The following KCNIP1 variants were observed in gnomAD, a reference collection of about 807,000 sequenced individuals.
KCNIP1 encodes the protein potassium voltage-gated channel interacting protein 1, also known as A-type potassium channel modulatory protein KCNIP1.
In KCNIP1, 18 loss-of-function variants were observed where a neutral mutation model predicts 33.0. The observed-to-expected ratio is 0.55, with a 90% CI of 0.38 to 0.81. The LOEUF (loss-of-function observed/expected upper bound fraction) is 0.81. KCNIP1 is among the 30% of genes least tolerant of loss of function. KCNIP1 has a pLI of 0.00. For missense variants in KCNIP1, 238 were observed against 271.6 expected (o/e 0.88, Z 0.87); for synonymous variants, 93 against 98.3 (o/e 0.95, Z 0.32).
At chr5:170,585,899 T>C (rs1448477515) in intron 1 of KCNIP1, among the ~76,000 whole-genome samples, 2 of 152,214 alleles carry the variant, frequency 1.3e-5, no homozygotes, top group Non-Finnish European at 2.9e-5. Context: ...CTCCAAGCCC[T>C]GCAGGAGCCA....
intron 1 of KCNIP1, among the ~76,000 whole-genome samples, chr5:170,654,487 A>G (rs1296762268): frequency 6.6e-6 from 1 of 152,232 alleles, no homozygotes; most frequent in East Asian, 1.9e-4. Context: ...CATCGGCTGA[A>G]TCTGGGTCAT....
chr5:170,611,680 T>C (rs906839278), intron 1 of KCNIP1, among the ~76,000 whole-genome samples: 2 of 152,118 alleles, frequency 1.3e-5, no homozygotes, highest in Admixed American at 6.5e-5. Context: ...TCCACCTTCC[T>C]CAAAGGGTAA....
intron 1 of KCNIP1, among the ~76,000 whole-genome samples, chr5:170,590,485 A>T (rs962189726): frequency 2.0e-5 from 3 of 152,040 alleles, no homozygotes; most frequent in African/African-American, 7.2e-5. Flanking sequence ...CAACCGGTAG[A>T]GGATTTGCAG....
chr5:170,733,895 G>C lies in KCNIP1; in HGVS notation c.600G>C (p.Gln200His). ...TAGATGAATTTCTTGAATCATGTCA[G>C]GAGGTAAGGAGAGATCTCAGGGCAC... is the stretch of plus-strand genomic sequence containing the variant. ...VTLDEFLESC[Q>H]EDDNIMRSLQ... The change falls in exon 7 of 8, where the codon CAG (glutamine) becomes CAC (histidine). Residue 200 changes from glutamine (Q) to histidine (H), a missense_variant. Gln to His is a conservative substitution (Grantham distance 24). Coordinates refer to ENST00000328939, the MANE Select transcript of KCNIP1 (RefSeq NM_014592.4). 6.2e-7 allele frequency: 1 copy of C among 1,612,796 alleles called. No individual in the cohort carries two copies. The highest frequency in any genetic ancestry group is 8.5e-7 in the Non-Finnish European group (1 of 1,178,844).
intron 1 of KCNIP1, among the ~76,000 whole-genome samples, chr5:170,621,173 T>C (rs1190460913): frequency 1.3e-5 from 2 of 152,348 alleles, no homozygotes; most frequent in East Asian, 3.9e-4. Flanking sequence ...ATGGGGATAC[T>C]AAGGGTCACC....
intron 1 of KCNIP1, among the ~76,000 whole-genome samples, chr5:170,590,484 G>A (rs1468942275): frequency 6.6e-6 from 1 of 152,142 alleles, no homozygotes; most frequent in African/African-American, 2.4e-5. Context: ...CCAACCGGTA[G>A]AGGATTTGCA....
At chr5:170,420,890 A>T (rs1755470771) in intron 1 of KCNIP1, among the ~76,000 whole-genome samples, 1 of 152,100 alleles carries the variant, frequency 6.6e-6, no homozygotes, top group Admixed American at 6.5e-5. Flanking sequence ...CTCAATTCAG[A>T]TTACTCACAC....
intron 1 of KCNIP1, among the ~76,000 whole-genome samples, chr5:170,624,723 C>CG (rs1461838430): frequency 0.026 from 896 of 34,566 alleles, 27 homozygotes; most frequent in East Asian, 0.15. Flanking sequence ...GGAAAGGAGA[C>CG]CGGGGAGGTG....
At chr5:170,488,952 G>A (rs1419476450) in intron 1 of KCNIP1, among the ~76,000 whole-genome samples, 2 of 152,246 alleles carry the variant, frequency 1.3e-5, no homozygotes, top group African/African-American at 2.4e-5. Context: ...CCTGACTACA[G>A]TGAGGTGTGG....
chr5:170,698,503 A>G (rs1387327518), intron 1 of KCNIP1, among the ~76,000 whole-genome samples: 1 of 152,184 alleles, frequency 6.6e-6, no homozygotes, highest in Admixed American at 6.5e-5. Flanking sequence ...GGGTGGCAGA[A>G]TGTACCTCAC....
At chr5:170,709,201 A>G (rs1763362943) in intron 1 of KCNIP1, among the ~76,000 whole-genome samples, 1 of 152,086 alleles carries the variant, frequency 6.6e-6, no homozygotes, top group Admixed American at 6.5e-5. Flanking sequence ...CTATACCCCT[A>G]TTGATTTTTT....
At chr5:170,420,081 C>T (rs1252123651) in intron 1 of KCNIP1, among the ~76,000 whole-genome samples, 1 of 152,078 alleles carries the variant, frequency 6.6e-6, no homozygotes, top group African/African-American at 2.4e-5. Context: ...TTCATAGCCA[C>T]ATTGAAAAGA....
chr5:170,609,490 TTTGA>T (rs1443555877), intron 1 of KCNIP1, among the ~76,000 whole-genome samples: 4 of 152,110 alleles, frequency 2.6e-5, no homozygotes, highest in African/African-American at 9.7e-5. Flanking sequence ...ACTCAGACTT[TTTGA>T]TTATTTTTTG....
intron 1 of KCNIP1, among the ~76,000 whole-genome samples, chr5:170,618,744 G>A (rs1282549497): frequency 1.3e-5 from 2 of 152,170 alleles, no homozygotes; most frequent in Non-Finnish European, 2.9e-5. Context: ...AAATGGGAAT[G>A]ATGATTTGAC....
At chr5:170,523,348 G>A (rs950151785) in intron 1 of KCNIP1, among the ~76,000 whole-genome samples, 4 of 152,326 alleles carry the variant, frequency 2.6e-5, no homozygotes, top group East Asian at 3.9e-4. Context: ...CAGGAAAGCC[G>A]ATGCTTTCTG....
At chr5:170,570,926 G>A (rs1054551190) in intron 1 of KCNIP1, among the ~76,000 whole-genome samples, 1 of 152,202 alleles carries the variant, frequency 6.6e-6, no homozygotes, top group Non-Finnish European at 1.5e-5. Context: ...ACTCCTGGAG[G>A]TATGTGTCAT....
At chr5:170,722,923 G>A (rs993776881) in intron 5 of KCNIP1, 103 bp downstream of exon 5, 8 of 723,852 alleles carry the variant, frequency 1.1e-5, no homozygotes, top group African/African-American at 9.0e-5. Context: ...GAATGAGGCA[G>A]GCTCTGCTTT....
At chr5:170,576,231 G>C (rs189929174) in intron 1 of KCNIP1, among the ~76,000 whole-genome samples, 1 of 152,266 alleles carries the variant, frequency 6.6e-6, no homozygotes, top group African/African-American at 2.4e-5. Flanking sequence ...CTCTACAAAA[G>C]CTCCTCCCCA....
At chr5:170,677,187 G>A (rs115768701) in intron 1 of KCNIP1, among the ~76,000 whole-genome samples, 1 of 152,106 alleles carries the variant, frequency 6.6e-6, no homozygotes, top group Non-Finnish European at 1.5e-5. Context: ...ACAACTCTAT[G>A]AAGTACATAC....
Sources: gnomAD v4.1 joint callset for allele counts (sites outside exome capture counted in the v4.1 genomes callset) on GRCh38, gnomAD v4.1.1 for gene constraint, MANE v1.5 for transcripts, NCBI Gene and HGNC (gene_info 2026-07-23, HGNC 2026-07-21) for gene names.